The following AGO3 variants were observed in gnomAD, a reference collection of about 807,000 sequenced individuals.
AGO3 encodes argonaute RISC catalytic component 3.
Under a neutral mutation model 105.5 loss-of-function variants are expected in AGO3, and 16 were observed. The observed-to-expected ratio is 0.15, with a 90% CI of 0.10 to 0.23. AGO3 has a LOEUF of 0.23. AGO3 is among the 10% of genes least tolerant of loss of function. AGO3 has a pLI of 1.00. For missense variants in AGO3, 534 were observed against 1,088.0 expected (o/e 0.49, Z 7.16); for synonymous variants, 340 against 367.3 (o/e 0.93, Z 0.85).
chr1:36,042,328 G>C (rs576020227), intron 16 of AGO3, among the ~76,000 whole-genome samples: 1 of 152,210 alleles, frequency 6.6e-6, no homozygotes, highest in East Asian at 1.9e-4. Context: ...CAAATGATCC[G>C]CCCACCTCGG....
intron 12 of AGO3, among the ~76,000 whole-genome samples, chr1:36,032,342 G>A (rs1008016128): frequency 6.6e-6 from 1 of 151,962 alleles, no homozygotes; most frequent in African/African-American, 2.4e-5. Context: ...GTGCTTATGG[G>A]TCATTTTTCT....
chr1:35,963,951 G>C (rs1193180185), intron 2 of AGO3, among the ~76,000 whole-genome samples: 2 of 150,762 alleles, frequency 1.3e-5, no homozygotes, highest in Non-Finnish European at 2.9e-5. Context: ...TTCAGCTCTA[G>C]ATATATTCCA....
At chr1:35,963,374 T>C (rs916900758) in intron 2 of AGO3, among the ~76,000 whole-genome samples, 7 of 145,062 alleles carry the variant, frequency 4.8e-5, no homozygotes, top group Non-Finnish European at 7.4e-5. Flanking sequence ...AAAATAAATA[T>C]ACCATAATAA....
intron 5 of AGO3, among the ~76,000 whole-genome samples, chr1:35,974,228 G>A (rs1478303391): frequency 6.6e-6 from 1 of 152,038 alleles, no homozygotes; most frequent in East Asian, 1.9e-4. Context: ...TCCACAATCA[G>A]ATTTCCCTGA....
intron 11 of AGO3, among the ~76,000 whole-genome samples, chr1:36,016,745 G>T (rs1207430486): frequency 1.3e-5 from 2 of 152,182 alleles, no homozygotes; most frequent in Non-Finnish European, 2.9e-5. Context: ...GGTAAGAGTA[G>T]AGGGGACCTC....
intron 11 of AGO3, among the ~76,000 whole-genome samples, chr1:36,025,242 A>G (rs1641448330): frequency 6.6e-6 from 1 of 152,062 alleles, no homozygotes; most frequent in Non-Finnish European, 1.5e-5. Context: ...TTTCTATTTA[A>G]TTCTGTTCAT....
chr1:35,980,364 ATCCAT>A (rs1647031932), intron 5 of AGO3, among the ~76,000 whole-genome samples: 1 of 152,198 alleles, frequency 6.6e-6, no homozygotes, highest in Non-Finnish European at 1.5e-5. Context: ...TACTCTTAAC[ATCCAT>A]TTGTATATAT....
chr1:36,030,241 C>A (rs1641709826), intron 12 of AGO3, among the ~76,000 whole-genome samples: 2 of 151,858 alleles, frequency 1.3e-5, no homozygotes, highest in African/African-American at 4.8e-5. Flanking sequence ...GTGGCTTATG[C>A]CTGTAATCCC....
intron 17 of AGO3, among the ~76,000 whole-genome samples, chr1:36,049,516 CAAA>C (rs755478576): frequency 7.8e-6 from 1 of 127,798 alleles, no homozygotes. Context: ...GGCTCTATCT[CAAA>C]AAAAAAAAAA....
intron 2 of AGO3, among the ~76,000 whole-genome samples, chr1:35,953,259 T>C (rs1217032299): frequency 6.6e-6 from 1 of 151,980 alleles, no homozygotes; most frequent in African/African-American, 2.4e-5. Context: ...CAAGACATCA[T>C]TTCTACTAAA....
intron 6 of AGO3, chr1:36,005,984 T>C (rs1432670068): frequency 1.3e-6 from 1 of 799,004 alleles, no homozygotes; most frequent in African/African-American, 1.9e-5. Flanking sequence ...TTCAACTTTT[T>C]GCTAGCACCT....
At chr1:35,952,237 C>G (rs1188349778) in intron 2 of AGO3, among the ~76,000 whole-genome samples, 1 of 148,586 alleles carries the variant, frequency 6.7e-6, no homozygotes, top group Non-Finnish European at 1.5e-5. Context: ...ACCTCTGCCT[C>G]CTGAGTTCAA....
chr1:35,997,425 T>A (rs952462030), intron 5 of AGO3, among the ~76,000 whole-genome samples: 2 of 152,210 alleles, frequency 1.3e-5, no homozygotes, highest in Admixed American at 1.3e-4. Flanking sequence ...ATTGTATTTA[T>A]AGTACAATAT....
intron 5 of AGO3, among the ~76,000 whole-genome samples, chr1:36,000,922 TTTCTC>T (rs1267436005): frequency 6.6e-6 from 1 of 152,100 alleles, no homozygotes; most frequent in African/African-American, 2.4e-5. Context: ...TGAATATTGA[TTTCTC>T]TTATCTTTTC....
chr1:35,967,082 T>TA lies in AGO3; in HGVS notation c.312+8dup, dbSNP rs775095245. On this transcript the variant is annotated splice_region_variant and intron_variant, in intron 3 of 18. Transcript: ENST00000373191. ...TCCTGTGGCAACTACAGGGGTAAGA[T>TA]ATGCATTCCTGTATTGGAAAGGTAT... is the stretch of plus-strand genomic sequence containing the variant. 9 of 1,602,690 alleles carry TA rather than the reference T, an allele frequency of 5.6e-6. No individual in the cohort carries two copies. Among genetic ancestry groups the TA allele is most frequent in the African/African-American group, 1.3e-5 (1 of 74,236 alleles).
intron 17 of AGO3, among the ~76,000 whole-genome samples, chr1:36,053,022 C>T (rs1642780615): frequency 6.6e-6 from 1 of 151,954 alleles, no homozygotes; most frequent in South Asian, 2.1e-4. Context: ...CTAGTGTTTC[C>T]TCCAGTATTT....
chr1:35,971,989 C>G, intron 3 of AGO3, 35 bp from the exon 4 acceptor site: 1 of 1,567,254 alleles, frequency 6.4e-7, no homozygotes. Flanking sequence ...TTATCTTTTT[C>G]AACATTTACC....
chr1:36,019,922 C>T (rs2148825883), intron 11 of AGO3, among the ~76,000 whole-genome samples: 1 of 152,264 alleles, frequency 6.6e-6, no homozygotes, highest in South Asian at 2.1e-4. Flanking sequence ...GTACCTGCCA[C>T]CACACCCAGC....
At chr1:36,017,226 A>G (rs1033966207) in intron 11 of AGO3, among the ~76,000 whole-genome samples, 1 of 152,170 alleles carries the variant, frequency 6.6e-6, no homozygotes, top group Non-Finnish European at 1.5e-5. Flanking sequence ...GAATAACCCT[A>G]AGAGTTTGGA....
Sources: allele counts gnomAD v4.1 joint callset (sites outside exome capture counted in the v4.1 genomes callset), GRCh38; gene constraint gnomAD v4.1.1; transcripts MANE v1.5; gene names NCBI Gene and HGNC (gene_info 2026-07-23, HGNC 2026-07-21).